Variants in HS2ST1 observed in about 807,000 individuals in gnomAD.
HS2ST1 encodes heparan sulfate 2-O-sulfotransferase 1.
HS2ST1 carries 18 observed loss-of-function variants against 42.9 expected under a neutral mutation model. The observed-to-expected ratio is 0.42, with a 90% CI of 0.29 to 0.62. HS2ST1 has a LOEUF of 0.62. HS2ST1 is among the 20% of genes least tolerant of loss of function. HS2ST1 has a pLI of 0.21. For synonymous variants in HS2ST1, 146 were observed against 152.9 expected (o/e 0.95, Z 0.33); for missense variants, 334 against 433.8 (o/e 0.77, Z 2.04).
At chr1:86,979,984 G>GA (rs1648531356) in intron 1 of HS2ST1, among the ~76,000 whole-genome samples, 1 of 151,992 alleles carries the variant, frequency 6.6e-6, no homozygotes, top group Admixed American at 6.6e-5. Context: ...TTCTTCTTTG[G>GA]AAAATCTTGC....
At chr1:87,017,803 A>G (rs1338834102) in intron 1 of HS2ST1, among the ~76,000 whole-genome samples, 1 of 149,072 alleles carries the variant, frequency 6.7e-6, no homozygotes, top group Non-Finnish European at 1.5e-5. Flanking sequence ...TTTATTTTTG[A>G]TTTTTGATAT....
intron 1 of HS2ST1, among the ~76,000 whole-genome samples, chr1:86,917,779 G>A (rs1660194407): frequency 2.0e-5 from 3 of 152,140 alleles, no homozygotes; most frequent in Admixed American, 2.0e-4. Flanking sequence ...TGCATTTATT[G>A]CTAAGAATGA....
intron 4 of HS2ST1, 56 bp downstream of exon 4, chr1:87,092,725 G>A (rs1651975362): frequency 1.8e-6 from 2 of 1,082,112 alleles, no homozygotes; most frequent in Non-Finnish European, 2.5e-6. Context: ...ACTGCAGTGA[G>A]CAATGTGCTT....
chr1:87,070,244 C>CATA (rs1651369712), intron 1 of HS2ST1, among the ~76,000 whole-genome samples: 1 of 152,102 alleles, frequency 6.6e-6, no homozygotes, highest in South Asian at 2.1e-4. Flanking sequence ...GTAACATTAC[C>CATA]ATAATAGTTT....
chr1:87,070,780 T>C (rs538094678), intron 1 of HS2ST1, among the ~76,000 whole-genome samples: 133 of 152,200 alleles, frequency 8.7e-4, no homozygotes, highest in Non-Finnish European at 1.6e-3. Context: ...CTCTTTTTTC[T>C]TTCTTATTCT....
At chr1:87,095,221 A>T (rs1452613989) in intron 4 of HS2ST1, among the ~76,000 whole-genome samples, 1 of 152,164 alleles carries the variant, frequency 6.6e-6, no homozygotes, top group African/African-American at 2.4e-5. Context: ...TTTTAGAAAG[A>T]TATTGGGTGT....
intron 1 of HS2ST1, among the ~76,000 whole-genome samples, chr1:86,983,855 G>C (rs1570463544): frequency 6.6e-6 from 1 of 152,126 alleles, no homozygotes; most frequent in South Asian, 2.1e-4. Flanking sequence ...AGCTGGCCAA[G>C]GTGGTGAAAC....
chr1:87,046,025 A>G, intron 1 of HS2ST1: 1 of 678,560 alleles, frequency 1.5e-6, no homozygotes, highest in Admixed American at 1.8e-5. Flanking sequence ...GGGAAAGTGC[A>G]CTGCAGTTTT....
intron 1 of HS2ST1, among the ~76,000 whole-genome samples, chr1:86,955,020 C>T (rs548711335): frequency 1.3e-5 from 2 of 152,024 alleles, no homozygotes; most frequent in East Asian, 3.9e-4. Flanking sequence ...ATCACTTGAA[C>T]TGGGGAGATC....
chr1:87,018,614 G>A (rs1649832414), intron 1 of HS2ST1, among the ~76,000 whole-genome samples: 2 of 152,136 alleles, frequency 1.3e-5, no homozygotes, highest in Admixed American at 1.3e-4. Context: ...ACGCTCTAAA[G>A]GACAGATTTC....
intron 1 of HS2ST1, among the ~76,000 whole-genome samples, chr1:86,969,847 C>T (rs1201811474): frequency 2.6e-5 from 4 of 151,920 alleles, no homozygotes; most frequent in Admixed American, 6.6e-5. Context: ...TAGTTGGGGC[C>T]GGGTGCGGTG....
At chr1:87,047,530 A>G (rs182806206) in intron 1 of HS2ST1, among the ~76,000 whole-genome samples, 5 of 152,238 alleles carry the variant, frequency 3.3e-5, no homozygotes, top group African/African-American at 1.2e-4. Flanking sequence ...TATAAGTTTT[A>G]TAATTTTAGC....
intron 1 of HS2ST1, among the ~76,000 whole-genome samples, chr1:86,942,404 C>G (rs916776913): frequency 5.3e-5 from 8 of 152,124 alleles, no homozygotes; most frequent in Non-Finnish European, 7.4e-5. Flanking sequence ...AATAGGCTAT[C>G]TTAGATTATC....
chr1:87,064,196 G>T (rs1651189458), intron 1 of HS2ST1, among the ~76,000 whole-genome samples: 1 of 152,216 alleles, frequency 6.6e-6, no homozygotes, highest in South Asian at 2.1e-4. Context: ...TGGCTACAGA[G>T]AATAGGTTTT....
At chr1:87,004,108 T>G (rs1351302433) in intron 1 of HS2ST1, among the ~76,000 whole-genome samples, 1 of 152,186 alleles carries the variant, frequency 6.6e-6, no homozygotes, top group Non-Finnish European at 1.5e-5. Flanking sequence ...TACTGAATAC[T>G]GGCCGGGCGT....
Position 86,971,599 on chromosome 1 carries a change from ATCTTAGAGTAGGGAAATGAGCAT to A in HS2ST1, c.124+56441_124+56463del, listed in dbSNP as rs533212498. ...AAGTGATAGCTTCTTTACACGTCCAATCTTAGAGTAGGGAAATGAGCATTTCACAGCAGAAAGTTTTGTTCTGA... is the reference window on the plus strand; with the variant it reads ...AAGTGATAGCTTCTTTACACGTCCAATTCACAGCAGAAAGTTTTGTTCTGA... On this transcript the variant is annotated intron_variant, in intron 1 of 6. Coordinates refer to ENST00000370550, the MANE Select transcript of HS2ST1 (RefSeq NM_012262.4). 4.6e-5 allele frequency among the ~76,000 whole-genome samples: 7 copies of A among 152,326 alleles called. No individual in the cohort carries two copies. The East Asian group carries it at 1.2e-3, about 25-fold the overall frequency.
At chr1:86,941,981 C>T (rs1232476267) in intron 1 of HS2ST1, among the ~76,000 whole-genome samples, 1 of 152,122 alleles carries the variant, frequency 6.6e-6, no homozygotes, top group Non-Finnish European at 1.5e-5. Context: ...AAGCTTAATA[C>T]TGTACTTAGA....
chr1:87,002,697 T>C (rs1363887530), intron 1 of HS2ST1, among the ~76,000 whole-genome samples: 4 of 152,134 alleles, frequency 2.6e-5, no homozygotes, highest in African/African-American at 9.7e-5. Context: ...CAAAAGTCTA[T>C]TTTTTTCATT....
chr1:87,063,533 C>T (rs1455742903), intron 1 of HS2ST1, among the ~76,000 whole-genome samples: 1 of 152,136 alleles, frequency 6.6e-6, no homozygotes, highest in Non-Finnish European at 1.5e-5. Flanking sequence ...GACAAGGTTT[C>T]ACTCTGTTGG....
Sources: gnomAD v4.1 joint callset for allele counts (sites outside exome capture counted in the v4.1 genomes callset) on GRCh38, gnomAD v4.1.1 for gene constraint, MANE v1.5 for transcripts, NCBI Gene and HGNC (gene_info 2026-07-23, HGNC 2026-07-21) for gene names.